Variants in FADD observed in about 807,000 individuals in gnomAD.
FADD encodes FAS-associated death domain protein.
In FADD, 3 loss-of-function variants were observed where a neutral mutation model predicts 5.8. The observed-to-expected ratio is 0.52, with a 90% CI of 0.24 to 1.34. FADD has a LOEUF of 1.34. Ranked by LOEUF, FADD falls within the 40% of genes most tolerant of loss-of-function variation. The probability of loss-of-function intolerance (pLI) is 0.17; values close to 1 mark genes in which losing one functional copy is unlikely to be tolerated. For synonymous variants in FADD, 138 were observed against 130.8 expected (o/e 1.06, Z -0.38); for missense variants, 249 against 286.7 (o/e 0.87, Z 0.95).
rs745804042 is a variant in FADD, at chr11:70,206,489, C to T, written c.*16C>T. 6.9e-6 allele frequency: 11 copies of T among 1,601,966 alleles called. No individual in the cohort carries two copies. The highest frequency in any genetic ancestry group is 1.4e-5 in the African/African-American group (1 of 73,674). ...AGCGTCCTGATGGGCCGCTGCTTTGCGCTGGTGGACCACAGGCATCTACAC... is the reference window on the plus strand; with the variant it reads ...AGCGTCCTGATGGGCCGCTGCTTTGTGCTGGTGGACCACAGGCATCTACAC... On this transcript the variant is annotated 3_prime_UTR_variant, in exon 2 of 2. Coordinates refer to ENST00000301838, the MANE Select transcript of FADD (RefSeq NM_003824.4).
rs372468641 is a variant in FADD, at chr11:70,203,591, C to T, written c.132C>T (p.Asp44=). ...TGGAGCGCGTGCAGAGCGGCCTAGACCTCTTCTCCATGCTGCTGGAGCAGA... is the reference window on the plus strand; with the variant it reads ...TGGAGCGCGTGCAGAGCGGCCTAGATCTCTTCTCCATGCTGCTGGAGCAGA... The part of the protein sequence containing the change: ...RKLERVQSGL[D]LFSMLLEQND... The change falls in exon 1 of 2, where the codon GAC becomes GAT. Residue 44 remains aspartate (D), a synonymous_variant. Coordinates refer to ENST00000301838, the MANE Select transcript of FADD (RefSeq NM_003824.4). 8 of 1,611,938 alleles carry T rather than the reference C, an allele frequency of 5.0e-6. No individual in the cohort carries two copies. Among genetic ancestry groups the T allele is most frequent in the South Asian group, 1.1e-5 (1 of 91,024 alleles).
At chr11:70,205,629 T>C (rs1160573903) in intron 1 of FADD, among the ~76,000 whole-genome samples, 3 of 152,324 alleles carry the variant, frequency 2.0e-5, no homozygotes, top group South Asian at 4.1e-4. Context: ...ATACCTATCA[T>C]TGGTGCATCC....
At position 70,206,807 on chromosome 11, in the gene FADD, C is replaced by G. The variant is rs547213209; in HGVS notation, c.*334C>G. On this transcript the variant is annotated 3_prime_UTR_variant, in exon 2 of 2. Transcript: ENST00000301838. ...GCAGATGAGCAGTCACACTGTTACT[C>G]CACAGCGGAGGAGACCAGCTCAGAG... is the stretch of plus-strand genomic sequence containing the variant. The G allele has an allele frequency of 1.3e-4, 46 of 353,886 alleles. No individual in the cohort carries two copies. Among genetic ancestry groups the G allele is most frequent in the Non-Finnish European group, 2.2e-4 (41 of 186,468 alleles). The allele number at this position is 353,886 out of a possible 1,614,324, so 21.9% of individuals were successfully genotyped here. A position where few individuals can be genotyped will look rare whatever the true frequency, so the allele number is the denominator to read the frequency against.
At position 70,203,382 on chromosome 11, in the gene FADD, C is replaced by T; in HGVS notation, c.-78C>T. ...TGGGCCGCTGGGCAAGCGGCGAGACCTGGCCAGGGCCAGCGAGCCGAGGAC... is the reference window on the plus strand; with the variant it reads ...TGGGCCGCTGGGCAAGCGGCGAGACTTGGCCAGGGCCAGCGAGCCGAGGAC... On this transcript the variant is annotated 5_prime_UTR_variant, in exon 1 of 2. Coordinates refer to ENST00000301838, the MANE Select transcript of FADD (RefSeq NM_003824.4). 1 of 1,539,388 alleles carries T rather than the reference C, an allele frequency of 6.5e-7. No individual in the cohort carries two copies. The highest frequency in any genetic ancestry group is 8.7e-7 in the Non-Finnish European group (1 of 1,142,926).
chr11:70,206,571 G>A lies in FADD; in HGVS notation c.*98G>A. On this transcript the variant is annotated 3_prime_UTR_variant, in exon 2 of 2. Coordinates refer to ENST00000301838, the MANE Select transcript of FADD (RefSeq NM_003824.4). ...GCCCAGCACTGTGAAGACCCAGCAG[G>A]AAGCCAGGCTGAGTGAGCCACAGAC... 1 of 1,178,970 alleles carries A rather than the reference G, an allele frequency of 8.5e-7. No homozygotes were observed. The highest frequency in any genetic ancestry group is 1.2e-6 in the Non-Finnish European group (1 of 816,328). The allele number at this position is 1,178,970 out of a possible 1,614,324, so 73.0% of individuals were successfully genotyped here. A position where few individuals can be genotyped will look rare whatever the true frequency, so the allele number is the denominator to read the frequency against.
Position 70,203,440 on chromosome 11 carries a change from G to A in FADD, c.-20G>A, listed in dbSNP as rs1166372826. 6 of 1,557,708 alleles carry A rather than the reference G, an allele frequency of 3.9e-6. No individual in the cohort carries two copies. Among genetic ancestry groups the A allele is most frequent in the Non-Finnish European group, 5.2e-6 (6 of 1,151,508 alleles). ...GCACGGAGGGCCGGGCCGCAGCCCC[G>A]GCCGCTTGCAGACCCCGCCATGGAC... is the stretch of plus-strand genomic sequence containing the variant. On this transcript the variant is annotated 5_prime_UTR_variant, in exon 1 of 2. Transcript: ENST00000301838.
Position 70,206,523 on chromosome 11 carries a change from CTT to C in FADD, c.*52_*53del, listed in dbSNP as rs2049462918. ...ACCACAGGCATCTACACAGCCTGGA[CTT>C]TGGTTCTCTCCAGGAAGGTAGCCCA... is the stretch of plus-strand genomic sequence containing the variant. On this transcript the variant is annotated 3_prime_UTR_variant, in exon 2 of 2. Coordinates refer to ENST00000301838, the MANE Select transcript of FADD (RefSeq NM_003824.4). The C allele has an allele frequency of 6.4e-7, 1 of 1,558,776 alleles. No homozygotes were observed. The highest frequency in any genetic ancestry group is 1.7e-5 in the Admixed American group (1 of 58,472).
intron 1 of FADD, 80 bp from the exon 2 acceptor site, chr11:70,206,051 CTG>C: frequency 8.3e-7 from 1 of 1,203,158 alleles, no homozygotes; most frequent in South Asian, 1.3e-5. Flanking sequence ...CACTTGGCGT[CTG>C]TGCTGAAAAG....
chr11:70,205,695 T>C (rs2049454010), intron 1 of FADD, among the ~76,000 whole-genome samples: 1 of 152,188 alleles, frequency 6.6e-6, no homozygotes, highest in African/African-American at 2.4e-5. Flanking sequence ...GCAAAGATGC[T>C]TTTTCCAAAG....
Position 70,206,116 on chromosome 11 carries a change from T to G in FADD, c.287-17T>G. ...TCTCCAAACCTATGGTAAACCGTTC[T>G]GTTCTTTCCTTCCCAGACCTGTGTG... On this transcript the variant is annotated splice_polypyrimidine_tract_variant and intron_variant, in intron 1 of 1. Transcript: ENST00000301838. The G allele has an allele frequency of 6.2e-7, 1 of 1,608,676 alleles. No homozygotes were observed. The highest frequency in any genetic ancestry group is 8.5e-7 in the Non-Finnish European group (1 of 1,175,700).
In FADD at chr11:70,206,644, C is replaced by G. The variant is rs2049463902; in HGVS notation, c.*171C>G. 2 of 654,612 alleles carry G rather than the reference C, an allele frequency of 3.1e-6. No individual in the cohort carries two copies. Among genetic ancestry groups the G allele is most frequent in the Admixed American group, 2.4e-5 (1 of 42,274 alleles). 40.6% of individuals were successfully genotyped at this position (654,612 alleles called of 1,614,324 possible). A position where few individuals can be genotyped will look rare whatever the true frequency, so the allele number is the denominator to read the frequency against. On this transcript the variant is annotated 3_prime_UTR_variant, in exon 2 of 2. Coordinates refer to ENST00000301838, the MANE Select transcript of FADD (RefSeq NM_003824.4). ...GCGTTTATTAATGCCTCTCCCGCAC[C>G]AGGCCGGGCTTGGGCCCTGCACAGA...
rs1050365574 is a variant in FADD, at chr11:70,203,360, G to A, written c.-100G>A. The A allele has an allele frequency of 1.3e-6, 2 of 1,523,708 alleles. No homozygotes were observed. The highest frequency in any genetic ancestry group is 2.8e-5 in the African/African-American group (2 of 71,798). The allele number at this position is 1,523,708 out of a possible 1,614,324, so 94.4% of individuals were successfully genotyped here. ...GCAGGTTCGGGGGTGGAATCCTTGG[G>A]CCGCTGGGCAAGCGGCGAGACCTGG... On this transcript the variant is annotated 5_prime_UTR_variant, in exon 1 of 2. Transcript: ENST00000301838.
intron 1 of FADD, among the ~76,000 whole-genome samples, chr11:70,204,208 A>T (rs1253074532): frequency 6.6e-6 from 1 of 152,214 alleles, no homozygotes; most frequent in Non-Finnish European, 1.5e-5. Context: ...CCTGTGGCTT[A>T]GATACTGTTA....
At position 70,206,387 on chromosome 11, in the gene FADD, C is replaced by T; in HGVS notation, c.541C>T (p.Gln181Ter). 6.2e-7 allele frequency: 1 copy of T among 1,614,148 alleles called. No homozygotes were observed. The highest frequency in any genetic ancestry group is 8.5e-7 in the Non-Finnish European group (1 of 1,180,026). ...GGTGGCTGACCTGGTACAAGAGGTT[C>T]AGCAGGCCCGTGACCTCCAGAACAG... ...NLVADLVQEV[Q>*]QARDLQNRSG... Residue 181 changes from glutamine (Q) to a stop codon, truncating the protein, a stop_gained, in exon 2 of 2, where the codon CAG (glutamine) becomes TAG (stop). Transcript: ENST00000301838. LOFTEE classifies it low-confidence loss of function (END_TRUNC).
intron 1 of FADD, 21 bp from the exon 2 acceptor site, chr11:70,206,112 G>T: frequency 2.5e-6 from 4 of 1,603,328 alleles, no homozygotes; most frequent in Non-Finnish European, 3.4e-6. Flanking sequence ...ATGGTAAACC[G>T]TTCTGTTCTT....
Position 70,206,710 on chromosome 11 carries a change from T to C in FADD, c.*237T>C. ...CTCACTATGACACTGAGCAAGATCT[T>C]GTCTCCACTAAATGAGCTCCTGCGG... On this transcript the variant is annotated 3_prime_UTR_variant, in exon 2 of 2. Coordinates refer to ENST00000301838, the MANE Select transcript of FADD (RefSeq NM_003824.4). 2 of 554,948 alleles carry C rather than the reference T, an allele frequency of 3.6e-6. No homozygotes were observed. The highest frequency in any genetic ancestry group is 6.5e-6 in the Non-Finnish European group (2 of 307,754). The allele number at this position is 554,948 out of a possible 1,614,324, so 34.4% of individuals were successfully genotyped here.
chr11:70,204,354 CACT>C (rs1293245325), intron 1 of FADD, among the ~76,000 whole-genome samples: 1 of 152,182 alleles, frequency 6.6e-6, no homozygotes, highest in Non-Finnish European at 1.5e-5. Context: ...TAGTGTTAGC[CACT>C]ACACTGCCTC....
chr11:70,205,204 T>C (rs1590966611), intron 1 of FADD, among the ~76,000 whole-genome samples: 1 of 152,204 alleles, frequency 6.6e-6, no homozygotes, highest in African/African-American at 2.4e-5. Flanking sequence ...CAGCACCCTG[T>C]CCTGCCTCTC....
rs61757382 is a variant in FADD, at chr11:70,206,224, C to T, written c.378C>T (p.Ile126=). The T allele has an allele frequency of 2.4e-5, 39 of 1,613,960 alleles. No homozygotes were observed. The highest frequency in any genetic ancestry group is 4.0e-5 in the African/African-American group (3 of 74,908). ...ARQLKVSDTK[I]DSIEDRYPRN... The stretch of plus-strand genomic sequence containing the variant: ...AGCTCAAAGTCTCAGACACCAAGAT[C>T]GACAGCATCGAGGACAGATACCCCC... The change falls in exon 2 of 2, where the codon ATC becomes ATT. Residue 126 remains isoleucine, a synonymous_variant. Transcript: ENST00000301838.
Sources: allele counts gnomAD v4.1 joint callset (sites outside exome capture counted in the v4.1 genomes callset), GRCh38; gene constraint gnomAD v4.1.1; transcripts MANE v1.5; gene names NCBI Gene and HGNC (gene_info 2026-07-23, HGNC 2026-07-21).